SH2B2: variants seen among roughly 807,000 people sequenced by gnomAD.
SH2B2 encodes the protein SH2B adaptor protein 2, also known as SH2B adapter protein 2.
A neutral mutation model predicts 35.7 loss-of-function variants in SH2B2; 37 were observed. That is an observed-to-expected ratio of 1.04 (90% CI 0.80 to 1.36). The LOEUF (loss-of-function observed/expected upper bound fraction) is 1.36, where lower values mean the gene tolerates loss of function less well. Ranked by LOEUF, SH2B2 falls within the 40% of genes most tolerant of loss-of-function variation. SH2B2 has a pLI of 0.00. For missense variants in SH2B2, 852 were observed against 817.7 expected (o/e 1.04, Z -0.51); for synonymous variants, 383 against 376.4 (o/e 1.02, Z -0.20).
chr7:102,304,721 A>G (rs1160422143), intron 2 of SH2B2, among the ~76,000 whole-genome samples: 1 of 152,234 alleles, frequency 6.6e-6, no homozygotes, highest in African/African-American at 2.4e-5. Context: ...ATACCTGCTG[A>G]AGCTTCCAGT....
intron 7 of SH2B2, 80 bp downstream of exon 7, chr7:102,317,475 T>C: frequency 7.6e-7 from 1 of 1,317,764 alleles, no homozygotes; most frequent in Non-Finnish European, 1.0e-6. Context: ...GTCCTGAGGC[T>C]GTGCCCTGGA....
rs142146832 is a variant in SH2B2, at chr7:102,320,182, C to T, written c.1396-149C>T. 1.2e-3 allele frequency: 745 copies of T among 624,036 alleles called. 5 individuals carry two copies. The African/African-American group carries it at 0.013, about 11-fold the overall frequency. The allele number at this position is 624,036 out of a possible 1,614,324, so 38.7% of individuals were successfully genotyped here. Reference sequence around the variant, plus strand: ...GTCCGTTGCCCCCATTCCCCATCTCCAGATGGGGCTCATGTGTGAGGGGCC... The same window carrying T: ...GTCCGTTGCCCCCATTCCCCATCTCTAGATGGGGCTCATGTGTGAGGGGCC... On this transcript the variant is annotated intron_variant, in intron 7 of 8. Coordinates refer to ENST00000444095, the MANE Select transcript of SH2B2 (RefSeq NM_001359228.2).
intron 7 of SH2B2, among the ~76,000 whole-genome samples, chr7:102,318,766 T>C (rs949087682): frequency 2.6e-5 from 4 of 152,056 alleles, no homozygotes; most frequent in African/African-American, 4.8e-5. Context: ...ATGCAGGAGG[T>C]AGCACCTCCA....
chr7:102,321,189 G>A, intron 8 of SH2B2, 110 bp from the exon 9 acceptor site: 2 of 975,922 alleles, frequency 2.0e-6, no homozygotes, highest in South Asian at 3.0e-5. Context: ...GACATGGGCT[G>A]CAACTCGGAA....
chr7:102,318,770 A>C (rs1793953529), intron 7 of SH2B2, among the ~76,000 whole-genome samples: 1 of 152,052 alleles, frequency 6.6e-6, no homozygotes, highest in African/African-American at 2.4e-5. Context: ...AGGAGGTAGC[A>C]CCTCCACCAG....
chr7:102,287,642 G>A (rs1414469802), intron 1 of SH2B2, among the ~76,000 whole-genome samples: 3 of 152,202 alleles, frequency 2.0e-5, no homozygotes, highest in African/African-American at 4.8e-5. Context: ...ATTGCCGGGA[G>A]GATCGTGGAG....
intron 6 of SH2B2, among the ~76,000 whole-genome samples, chr7:102,315,326 A>G (rs1554556766): frequency 6.6e-6 from 1 of 151,968 alleles, no homozygotes; most frequent in Non-Finnish European, 1.5e-5. Flanking sequence ...ACATAGCAAG[A>G]CGCTATCTGT....
At chr7:102,305,688 G>T (rs1554554700) in intron 2 of SH2B2, among the ~76,000 whole-genome samples, 1 of 152,184 alleles carries the variant, frequency 6.6e-6, no homozygotes, top group African/African-American at 2.4e-5. Context: ...GCGTATGTGT[G>T]TATTGGGCCC....
intron 6 of SH2B2, among the ~76,000 whole-genome samples, 182 bp downstream of exon 6, chr7:102,314,864 G>A (rs1793760552): frequency 6.6e-6 from 1 of 152,160 alleles, no homozygotes; most frequent in Non-Finnish European, 1.5e-5. Flanking sequence ...TAGGAACCTG[G>A]CCCCTCCCAC....
chr7:102,307,958 A>G (rs1793467261), intron 3 of SH2B2, among the ~76,000 whole-genome samples: 1 of 151,958 alleles, frequency 6.6e-6, no homozygotes, highest in Admixed American at 6.6e-5. Flanking sequence ...TTTGGTAGAG[A>G]CAGCGTTTCA....
chr7:102,315,604 A>G (rs1586601389), intron 6 of SH2B2, among the ~76,000 whole-genome samples: 2 of 151,826 alleles, frequency 1.3e-5, no homozygotes, highest in African/African-American at 4.8e-5. Context: ...CCTGGCCACA[A>G]ACATTTTTGT....
intron 1 of SH2B2, among the ~76,000 whole-genome samples, chr7:102,293,665 G>A (rs1310619195): frequency 8.5e-5 from 13 of 152,054 alleles, no homozygotes; most frequent in African/African-American, 3.1e-4. Context: ...AGCAGCCTGT[G>A]AGGGGGAGAG....
chr7:102,303,925 G>A (rs547140989), intron 2 of SH2B2, among the ~76,000 whole-genome samples: 2 of 152,234 alleles, frequency 1.3e-5, no homozygotes, highest in Non-Finnish European at 2.9e-5. Flanking sequence ...TGCTGGCAGA[G>A]GGCAGCGTTC....
chr7:102,291,498 C>A (rs1408854545), intron 1 of SH2B2, among the ~76,000 whole-genome samples: 2 of 152,212 alleles, frequency 1.3e-5, no homozygotes, highest in Non-Finnish European at 2.9e-5. Context: ...CCCAAGGGCT[C>A]TGAATCCACA....
intron 2 of SH2B2, among the ~76,000 whole-genome samples, chr7:102,303,662 C>T (rs1793279915): frequency 6.6e-6 from 1 of 152,206 alleles, no homozygotes; most frequent in African/African-American, 2.4e-5. Context: ...AATCCTAGAC[C>T]CCTAAGCCCG....
chr7:102,285,265 C>A (rs962017197), upstream of SH2B2: 1 of 1,546,326 alleles, frequency 6.5e-7, no homozygotes, highest in Non-Finnish European at 8.8e-7. Flanking sequence ...CCAGGTTAGT[C>A]CACCGCGGGT....
chr7:102,315,059 C>T (rs1793769304), intron 6 of SH2B2, among the ~76,000 whole-genome samples: 2 of 151,998 alleles, frequency 1.3e-5, no homozygotes, highest in African/African-American at 2.4e-5. Context: ...TGTGGTGGTG[C>T]ACACATGTAC....
chr7:102,308,763 T>C, intron 3 of SH2B2, 52 bp from the exon 4 acceptor site: 1 of 1,355,774 alleles, frequency 7.4e-7, no homozygotes, highest in Middle Eastern at 1.8e-4. Context: ...TCCTGTGGTC[T>C]GGAGCCCATC....
In SH2B2 at chr7:102,306,701, A is replaced by G. The variant is rs1554554898; in HGVS notation, c.730-20A>G. The G allele has an allele frequency of 2.6e-6, 4 of 1,549,534 alleles. No homozygotes were observed. The highest frequency in any genetic ancestry group is 1.4e-5 in the African/African-American group (1 of 73,404). On this transcript the variant is annotated intron_variant, in intron 2 of 8. Coordinates refer to ENST00000444095, the MANE Select transcript of SH2B2 (RefSeq NM_001359228.2). Reference sequence around the variant, plus strand: ...TCGGGAAATGCTGGGGCCACTCACTATCCTTCTTCTGGCCCCCAGGCCTCC... The same window carrying G: ...TCGGGAAATGCTGGGGCCACTCACTGTCCTTCTTCTGGCCCCCAGGCCTCC...
Sources: gnomAD v4.1 joint callset for allele counts (sites outside exome capture counted in the v4.1 genomes callset) on GRCh38, gnomAD v4.1.1 for gene constraint, MANE v1.5 for transcripts, NCBI Gene and HGNC (gene_info 2026-07-23, HGNC 2026-07-21) for gene names.